The following RNF135 variants were observed in gnomAD, a reference collection of about 807,000 sequenced individuals.
RNF135 encodes ring finger protein 135.
A neutral mutation model predicts 41.9 loss-of-function variants in RNF135; 46 were observed. The observed-to-expected ratio is 1.10, with a 90% CI of 0.87 to 1.40. RNF135 has a LOEUF of 1.40. Ranked by LOEUF, RNF135 falls within the 40% of genes most tolerant of loss-of-function variation. The pLI is 0.00. For missense variants in RNF135, 539 were observed against 549.8 expected (o/e 0.98, Z 0.20); for synonymous variants, 238 against 223.8 (o/e 1.06, Z -0.57).
intron 4 of RNF135, 27 bp downstream of exon 4, chr17:30,997,358 G>A (rs1371252759): frequency 1.3e-6 from 2 of 1,596,180 alleles, no homozygotes; most frequent in African/African-American, 2.7e-5. Context: ...CTTTAAACAT[G>A]GGTTTGGCTT....
intron 1 of RNF135, chr17:30,972,428 T>A (rs1906073027): frequency 6.6e-6 from 1 of 152,182 alleles, no homozygotes; most frequent in African/African-American, 2.4e-5. Flanking sequence ...TAACCATTTT[T>A]AAGTGTACAA....
At position 30,971,218 on chromosome 17, in the gene RNF135, T is replaced by C; in HGVS notation, c.145T>C (p.Trp49Arg). 1 of 1,514,020 alleles carries C rather than the reference T, an allele frequency of 6.6e-7. No homozygotes were observed. The highest frequency in any genetic ancestry group is 8.8e-7 in the Non-Finnish European group (1 of 1,138,120). The allele number at this position is 1,514,020 out of a possible 1,614,324, so 93.8% of individuals were successfully genotyped here. A position where few individuals can be genotyped will look rare whatever the true frequency, so the allele number is the denominator to read the frequency against. The change falls in exon 1 of 5, where the codon TGG becomes CGG. Residue 49 changes from tryptophan to arginine, a missense_variant. Coordinates refer to ENST00000328381, the MANE Select transcript of RNF135 (RefSeq NM_032322.4). ...SFCRHCLEAL[W>R]GARDARRWAC... ...CTGCCGCCACTGCCTGGAGGCCCTG[T>C]GGGGCGCCCGCGACGCCCGCCGCTG...
At chr17:30,990,754 C>T (rs1271898681) in intron 3 of RNF135, among the ~76,000 whole-genome samples, 1 of 152,050 alleles carries the variant, frequency 6.6e-6, no homozygotes, top group Non-Finnish European at 1.5e-5. Context: ...CTGCATTTTG[C>T]TTTTGTCTTT....
chr17:30,974,688 A>T (rs28848794), intron 1 of RNF135, among the ~76,000 whole-genome samples: 4,392 of 145,328 alleles, frequency 0.03, 94 homozygotes, highest in East Asian at 0.099. Flanking sequence ...TATTATTATT[A>T]TTTTTTTTTG....
intron 3 of RNF135, among the ~76,000 whole-genome samples, chr17:30,994,425 T>A (rs1204547256): frequency 1.3e-5 from 2 of 151,464 alleles, no homozygotes; most frequent in Non-Finnish European, 2.9e-5. Flanking sequence ...ACACCTGTAG[T>A]CCCAGTCCCA....
Position 30,998,750 on chromosome 17 carries a change from C to T in RNF135, c.858C>T (p.Arg286=). ...CCCGTACAGTGACTGTGTCTCACCGCCCACAACCCTATCGCTGGAGCTGTG... is the reference window on the plus strand; with the variant it reads ...CCCGTACAGTGACTGTGTCTCACCGTCCACAACCCTATCGCTGGAGCTGTG... ...KDSRTVTVSH[R]PQPYRWSCER... The change falls in exon 5 of 5, where the codon CGC becomes CGT. Residue 286 remains arginine, a synonymous_variant. Coordinates refer to ENST00000328381, the MANE Select transcript of RNF135 (RefSeq NM_032322.4). 1 of 1,613,372 alleles carries T rather than the reference C, an allele frequency of 6.2e-7. No individual in the cohort carries two copies. The highest frequency in any genetic ancestry group is 8.5e-7 in the Non-Finnish European group (1 of 1,179,774).
Position 30,999,315 on chromosome 17 carries a change from G to A in RNF135, c.*124G>A, listed in dbSNP as rs2142740579. 3 of 1,105,982 alleles carry A rather than the reference G, an allele frequency of 2.7e-6. No homozygotes were observed. Among genetic ancestry groups the A allele is most frequent in the African/African-American group, 3.1e-5 (2 of 64,554 alleles). 68.5% of individuals were successfully genotyped at this position (1,105,982 alleles called of 1,614,324 possible). On this transcript the variant is annotated 3_prime_UTR_variant, in exon 5 of 5. Transcript: ENST00000328381. ...TTACGATAGAGATGGGATCTCACTA[G>A]GTTGCCCAGGCTGGTGTCGAATTCC...
At chr17:30,961,205 A>G in the RNF135 span, among the ~76,000 whole-genome samples, 1 of 152,210 alleles carries the variant, frequency 6.6e-6, no homozygotes, top group Non-Finnish European at 1.5e-5. Flanking sequence ...ATAAAAAGGA[A>G]CAAATTATTC....
the RNF135 span, among the ~76,000 whole-genome samples, chr17:30,961,425 C>T: frequency 2.6e-5 from 4 of 151,932 alleles, no homozygotes; most frequent in Admixed American, 2.6e-4. Context: ...GCAAACTTTG[C>T]GGTTCACCTC....
chr17:30,987,846 A>G, intron 2 of RNF135, 98 bp from the exon 3 acceptor site: 1 of 1,227,594 alleles, frequency 8.1e-7, no homozygotes, highest in Non-Finnish European at 1.2e-6. Flanking sequence ...CTGGGAATTA[A>G]ATAGAAAATT....
chr17:30,980,340 G>GC lies in RNF135; in HGVS notation c.373-4271dup, dbSNP rs1354353689. 1.0e-4 allele frequency: 5 copies of GC among 48,844 alleles called. 1 individual carries two copies. Among genetic ancestry groups the GC allele is most frequent in the Non-Finnish European group, 1.3e-4 (3 of 23,772 alleles). 3.0% of individuals were successfully genotyped at this position (48,844 alleles called of 1,614,324 possible). A position where few individuals can be genotyped will look rare whatever the true frequency, so the allele number is the denominator to read the frequency against. ...GGCGGCCGGCCGGGCGGGGGGCTGA[G>GC]CCCCCCACCTCCCTCCCGGACGGGG... On this transcript the variant is annotated intron_variant, in intron 1 of 4. Coordinates refer to ENST00000328381, the MANE Select transcript of RNF135 (RefSeq NM_032322.4).
chr17:30,973,080 T>A (rs1276875777), intron 1 of RNF135: 1 of 152,258 alleles, frequency 6.6e-6, no homozygotes, highest in Non-Finnish European at 1.5e-5. Context: ...AGCCTCACTG[T>A]GATTTTGATC....
At position 30,999,717 on chromosome 17, in the gene RNF135, C is replaced by G. The variant is rs10221206; in HGVS notation, c.*526C>G. On this transcript the variant is annotated 3_prime_UTR_variant, in exon 5 of 5. Coordinates refer to ENST00000328381, the MANE Select transcript of RNF135 (RefSeq NM_032322.4). ...TGGACACCTAGGCATGGGTGAGCTACTCTGGTTGGTAATACTCTGTGCACA... is the reference window on the plus strand; with the variant it reads ...TGGACACCTAGGCATGGGTGAGCTAGTCTGGTTGGTAATACTCTGTGCACA... 22,593 of 170,254 alleles carry G rather than the reference C, an allele frequency of 0.13. 4,964 individuals carry two copies. Among genetic ancestry groups the G allele is most frequent in the African/African-American group, 0.48 (20,119 of 41,804 alleles). 10.5% of individuals were successfully genotyped at this position (170,254 alleles called of 1,614,324 possible).
chr17:30,983,353 A>ATATTTATT (rs1420453160), intron 1 of RNF135, among the ~76,000 whole-genome samples: 1 of 35,734 alleles, frequency 2.8e-5, no homozygotes, highest in South Asian at 1.3e-3. Context: ...ATATATATAT[A>ATATTTATT]TTTTTTTTTT....
upstream of RNF135, chr17:30,970,890 C>A: frequency 1.2e-6 from 1 of 807,294 alleles, no homozygotes; most frequent in East Asian, 2.8e-5. Context: ...TCCAGCTGGG[C>A]ACTGGAGGCT....
the RNF135 span, chr17:30,965,444 CA>C: frequency 2.6e-5 from 4 of 151,968 alleles, no homozygotes; most frequent in African/African-American, 9.7e-5. Context: ...AGCACCTTTC[CA>C]AAAAATATTA....
At chr17:30,994,043 G>A in intron 3 of RNF135, 2 of 429,830 alleles carry the variant, frequency 4.7e-6, no homozygotes, top group Non-Finnish European at 8.2e-6. Context: ...GGGCTCAAGC[G>A]ATCCTCCTGC....
the RNF135 span, among the ~76,000 whole-genome samples, chr17:30,964,552 C>A: frequency 2.6e-4 from 40 of 152,036 alleles, 1 homozygote; most frequent in African/African-American, 8.7e-4. Context: ...TGCAGTGAGG[C>A]AAGATTGCGC....
intron 4 of RNF135, chr17:30,997,622 C>A: frequency 4.1e-6 from 2 of 490,940 alleles, no homozygotes; most frequent in Non-Finnish European, 4.1e-6. Flanking sequence ...TGTGCTGTGG[C>A]CACCAACTAT....
Sources: allele counts gnomAD v4.1 joint callset (sites outside exome capture counted in the v4.1 genomes callset), GRCh38; gene constraint gnomAD v4.1.1; transcripts MANE v1.5; gene names NCBI Gene and HGNC (gene_info 2026-07-23, HGNC 2026-07-21).